The following ARHGAP15 variants were observed in gnomAD, a reference collection of about 807,000 sequenced individuals.
ARHGAP15 encodes rho GTPase-activating protein 15.
Under a neutral mutation model 63.7 loss-of-function variants are expected in ARHGAP15, and 51 were observed. The observed-to-expected ratio is 0.80, with a 90% CI of 0.64 to 1.01. The LOEUF (loss-of-function observed/expected upper bound fraction) is 1.01. Ranked by LOEUF, ARHGAP15 falls within the 50% of genes least tolerant of loss-of-function variation. The probability of loss-of-function intolerance (pLI) is 0.00; values close to 1 mark genes in which losing one functional copy is unlikely to be tolerated. For synonymous variants in ARHGAP15, 191 were observed against 193.8 expected (o/e 0.99, Z 0.12); for missense variants, 560 against 564.6 (o/e 0.99, Z 0.08).
intron 8 of ARHGAP15, among the ~76,000 whole-genome samples, chr2:143,449,099 T>A (rs538318276): frequency 6.6e-6 from 1 of 152,042 alleles, no homozygotes; most frequent in Non-Finnish European, 1.5e-5. Context: ...ACGGACTAAA[T>A]GAGAAAGAAC....
intron 12 of ARHGAP15, among the ~76,000 whole-genome samples, chr2:143,666,036 A>G (rs1273571017): frequency 5.3e-5 from 8 of 151,392 alleles, no homozygotes; most frequent in African/African-American, 1.9e-4. Flanking sequence ...TCAAGCTACC[A>G]ATGACTTTCT....
At chr2:143,701,774 A>G (rs1684100446) in intron 12 of ARHGAP15, among the ~76,000 whole-genome samples, 1 of 151,606 alleles carries the variant, frequency 6.6e-6, no homozygotes, top group Non-Finnish European at 1.5e-5. Context: ...CAGGACTAGT[A>G]TGACTGCTCC....
chr2:143,382,320 A>C (rs985805786), intron 6 of ARHGAP15, among the ~76,000 whole-genome samples: 1 of 152,134 alleles, frequency 6.6e-6, no homozygotes, highest in Non-Finnish European at 1.5e-5. Flanking sequence ...GCACGCTCCC[A>C]CTGAAACCTG....
rs1297904626 is a variant in ARHGAP15, at chr2:143,461,304, AAACAG to A, written c.703+24266_703+24270del. 9.0e-4 allele frequency among the ~76,000 whole-genome samples: 136 copies of A among 150,808 alleles called. 3 individuals carry two copies. The highest frequency in any genetic ancestry group is 3.4e-3 in the Middle Eastern group (1 of 290). On this transcript the variant is annotated intron_variant, in intron 8 of 13. Transcript: ENST00000295095. ...CTCAAAAAAAAAAAAAAAAAAAAAA[AAACAG>A]AACTCAAGCCCACCTTTACATTAAA...
At chr2:143,249,616 A>G in intron 5 of ARHGAP15, among the ~76,000 whole-genome samples, 1 of 152,286 alleles carries the variant, frequency 6.6e-6, no homozygotes, top group Non-Finnish European at 1.5e-5. Context: ...AAAAAATAGT[A>G]AAGAAATTCT....
intron 2 of ARHGAP15, among the ~76,000 whole-genome samples, chr2:143,185,685 C>T (rs1037075194): frequency 6.6e-6 from 1 of 152,164 alleles, no homozygotes; most frequent in African/African-American, 2.4e-5. Flanking sequence ...CAATCATTAA[C>T]TGCTATCATA....
intron 5 of ARHGAP15, among the ~76,000 whole-genome samples, chr2:143,246,962 G>A (rs947868516): frequency 5.3e-5 from 8 of 152,182 alleles, no homozygotes; most frequent in East Asian, 1.9e-4. Flanking sequence ...TGATAAACCC[G>A]TGCCAGGTAC....
intron 1 of ARHGAP15, among the ~76,000 whole-genome samples, chr2:143,155,185 CTG>C (rs1690029085): frequency 1.3e-5 from 2 of 151,890 alleles, no homozygotes; most frequent in South Asian, 4.1e-4. Context: ...ATAAGGAAAA[CTG>C]TATCTCATTA....
chr2:143,485,220 G>T (rs1243866925), intron 8 of ARHGAP15, among the ~76,000 whole-genome samples: 4 of 152,172 alleles, frequency 2.6e-5, no homozygotes, highest in African/African-American at 9.6e-5. Context: ...TTAGGTATTT[G>T]TCCTAATGCT....
In ARHGAP15 at chr2:143,431,682, T is replaced by G. The variant is rs146867563; in HGVS notation, c.475-3919T>G. 2.3e-3 allele frequency among the ~76,000 whole-genome samples: 351 copies of G among 152,178 alleles called. 2 individuals carry two copies. Among genetic ancestry groups the G allele is most frequent in the Admixed American group, 3.6e-3 (55 of 15,262 alleles). On this transcript the variant is annotated intron_variant, in intron 6 of 13. Transcript: ENST00000295095. ...TTTTCTATTGTTATTTATCTGTATA[T>G]GCATATGTCCTATTTATCCAAACAG...
At chr2:143,541,936 TATTGC>T (rs1345987321) in intron 10 of ARHGAP15, among the ~76,000 whole-genome samples, 3 of 152,196 alleles carry the variant, frequency 2.0e-5, no homozygotes, top group African/African-American at 7.2e-5. Flanking sequence ...CTGCAGAGGT[TATTGC>T]TGTCTTTTGT....
chr2:143,594,347 C>T (rs1237100633), intron 11 of ARHGAP15, among the ~76,000 whole-genome samples: 1 of 152,198 alleles, frequency 6.6e-6, no homozygotes, highest in Non-Finnish European at 1.5e-5. Context: ...TGTACAGCAT[C>T]ATTTGTCAAC....
chr2:143,364,851 C>G (rs1042918979), intron 6 of ARHGAP15, among the ~76,000 whole-genome samples: 1 of 152,058 alleles, frequency 6.6e-6, no homozygotes, highest in African/African-American at 2.4e-5. Flanking sequence ...CTTAAAAATA[C>G]AACAATTATC....
intron 2 of ARHGAP15, among the ~76,000 whole-genome samples, chr2:143,166,160 A>G (rs1349914377): frequency 6.6e-6 from 1 of 152,096 alleles, no homozygotes; most frequent in East Asian, 1.9e-4. Context: ...CTCATCCACA[A>G]CACAATCTGG....
chr2:143,189,255 T>C (rs1347269986), intron 2 of ARHGAP15, among the ~76,000 whole-genome samples: 1 of 152,156 alleles, frequency 6.6e-6, no homozygotes, highest in Admixed American at 6.5e-5. Context: ...ACACTATTTT[T>C]GGAAGATTTT....
intron 6 of ARHGAP15, among the ~76,000 whole-genome samples, chr2:143,310,310 C>T (rs1683383466): frequency 1.3e-5 from 2 of 152,026 alleles, no homozygotes; most frequent in South Asian, 2.1e-4. Context: ...AGATGTTATA[C>T]TATTGAAATT....
At chr2:143,717,172 A>G (rs1684844592) in intron 13 of ARHGAP15, among the ~76,000 whole-genome samples, 1 of 152,216 alleles carries the variant, frequency 6.6e-6, no homozygotes, top group Admixed American at 6.5e-5. Context: ...AATGGAAAGC[A>G]CTGAACCCAG....
chr2:143,296,525 A>G (rs2105135971), intron 6 of ARHGAP15, among the ~76,000 whole-genome samples: 1 of 152,146 alleles, frequency 6.6e-6, no homozygotes, highest in Non-Finnish European at 1.5e-5. Flanking sequence ...CCATCCGGTA[A>G]GGTAGTTTCT....
chr2:143,482,908 G>A (rs1303624744), intron 8 of ARHGAP15, among the ~76,000 whole-genome samples: 1 of 152,176 alleles, frequency 6.6e-6, no homozygotes, highest in Non-Finnish European at 1.5e-5. Flanking sequence ...ATGAATGATG[G>A]CACAGGCCTT....
Sources: gnomAD v4.1 joint callset for allele counts (sites outside exome capture counted in the v4.1 genomes callset) on GRCh38, gnomAD v4.1.1 for gene constraint, MANE v1.5 for transcripts, NCBI Gene and HGNC (gene_info 2026-07-23, HGNC 2026-07-21) for gene names.